The following FSTL5 variants were observed in gnomAD, a reference collection of about 807,000 sequenced individuals.
The protein encoded by FSTL5 is follistatin like 5.
FSTL5 carries 62 observed loss-of-function variants against 89.1 expected under a neutral mutation model. The ratio of observed to expected loss-of-function variants is 0.70; its 90% confidence interval spans 0.57 to 0.86. The LOEUF is 0.86. Ranked by LOEUF, FSTL5 falls within the 40% of genes least tolerant of loss-of-function variation. The pLI is 0.00. For missense variants in FSTL5, 1,057 were observed against 1,001.6 expected, an observed-to-expected ratio of 1.06 and a Z score of -0.75; for synonymous variants, 383 against 346.2, an observed-to-expected ratio of 1.11 and a Z score of -1.18.
At chr4:161,898,080 A>G (rs1431109207) in intron 4 of FSTL5, among the ~76,000 whole-genome samples, 1 of 148,046 alleles carries the variant, frequency 6.8e-6, no homozygotes. Context: ...GTATTTACTT[A>G]TATTTATATA....
At chr4:161,857,615 T>G (rs1731761301) in intron 4 of FSTL5, among the ~76,000 whole-genome samples, 1 of 152,088 alleles carries the variant, frequency 6.6e-6, no homozygotes. Context: ...TTTAACAAAT[T>G]TATCTCTATT....
At chr4:161,932,559 G>T (rs533254627) in intron 3 of FSTL5, among the ~76,000 whole-genome samples, 14 of 151,492 alleles carry the variant, frequency 9.2e-5, no homozygotes, top group African/African-American at 3.1e-4. Flanking sequence ...ATGTATGTTT[G>T]TATTTTAAAA....
intron 2 of FSTL5, among the ~76,000 whole-genome samples, chr4:162,096,773 C>T (rs944723559): frequency 6.6e-6 from 1 of 151,908 alleles, no homozygotes; most frequent in Middle Eastern, 3.4e-3. Flanking sequence ...CATACATCTC[C>T]TATATAACTA....
chr4:161,390,534 C>G (rs1343159713), intron 15 of FSTL5, among the ~76,000 whole-genome samples: 1 of 152,086 alleles, frequency 6.6e-6, no homozygotes, highest in East Asian at 1.9e-4. Flanking sequence ...GTCCTTTACT[C>G]AGTCCCTGGT....
intron 7 of FSTL5, among the ~76,000 whole-genome samples, chr4:161,603,373 G>A (rs1444061827): frequency 1.3e-5 from 2 of 152,142 alleles, no homozygotes; most frequent in Non-Finnish European, 2.9e-5. Context: ...AATCGGATAG[G>A]ATTAGTAGTG....
intron 3 of FSTL5, among the ~76,000 whole-genome samples, chr4:161,995,768 T>G (rs1736275280): frequency 7.7e-6 from 1 of 130,180 alleles, no homozygotes; most frequent in Non-Finnish European, 1.6e-5. Flanking sequence ...ATGTAATGAG[T>G]TTTTTTTTTT....
intron 4 of FSTL5, among the ~76,000 whole-genome samples, chr4:161,861,130 A>G (rs10016003): frequency 0.22 from 33,811 of 152,072 alleles, 4,027 homozygotes; most frequent in African/African-American, 0.31. Flanking sequence ...CTTGTCATAA[A>G]TCCTAAATGC....
chr4:161,611,007 G>A (rs1734615103), intron 7 of FSTL5, among the ~76,000 whole-genome samples: 2 of 151,088 alleles, frequency 1.3e-5, no homozygotes, highest in South Asian at 2.1e-4. Context: ...TATAATTAAT[G>A]GCAACATTAC....
intron 7 of FSTL5, among the ~76,000 whole-genome samples, chr4:161,643,867 C>A (rs1478412347): frequency 2.1e-5 from 3 of 143,632 alleles, no homozygotes; most frequent in Non-Finnish European, 3.2e-5. Flanking sequence ...TAAGATAGTC[C>A]AGAAAAATTG....
chr4:161,973,134 AT>A (rs1369403816), intron 3 of FSTL5, among the ~76,000 whole-genome samples: 1 of 152,102 alleles, frequency 6.6e-6, no homozygotes, highest in African/African-American at 2.4e-5. Context: ...TGAAATCACT[AT>A]TTGATGATGA....
intron 4 of FSTL5, among the ~76,000 whole-genome samples, chr4:161,850,852 G>A (rs1264428010): frequency 5.3e-5 from 8 of 152,196 alleles, no homozygotes. Flanking sequence ...AAAGGAATGA[G>A]ATAATGTCTT....
intron 7 of FSTL5, among the ~76,000 whole-genome samples, chr4:161,595,560 T>A (rs951138842): frequency 1.8e-4 from 28 of 152,216 alleles, no homozygotes; most frequent in African/African-American, 6.0e-4. Context: ...AGAAAGAACA[T>A]CTGTAGCACA....
At chr4:161,928,930 T>C (rs904426964) in intron 3 of FSTL5, among the ~76,000 whole-genome samples, 2 of 151,780 alleles carry the variant, frequency 1.3e-5, no homozygotes, top group African/African-American at 4.8e-5. Flanking sequence ...CTTTCACTTA[T>C]TATCCTTTGT....
At chr4:162,143,719 C>T (rs1313440206) in intron 1 of FSTL5, among the ~76,000 whole-genome samples, 5 of 2,478 alleles carry the variant, frequency 2.0e-3, no homozygotes, top group Non-Finnish European at 7.7e-3. Flanking sequence ...TCTGACTTTA[C>T]ACACACACAC....
At chr4:161,893,854 T>G (rs1733067009) in intron 4 of FSTL5, among the ~76,000 whole-genome samples, 1 of 152,176 alleles carries the variant, frequency 6.6e-6, no homozygotes, top group African/African-American at 2.4e-5. Flanking sequence ...TTTTCTTTTC[T>G]TTCCCTAAAG....
chr4:161,726,434 G>A (rs1305849414), intron 6 of FSTL5, among the ~76,000 whole-genome samples: 1 of 151,694 alleles, frequency 6.6e-6, no homozygotes, highest in Non-Finnish European at 1.5e-5. Flanking sequence ...CACCATATTG[G>A]TCAGGCTGGT....
At chr4:161,577,473 CAAAA>C (rs544029134) in intron 8 of FSTL5, among the ~76,000 whole-genome samples, 1 of 110,226 alleles carries the variant, frequency 9.1e-6, no homozygotes, top group Non-Finnish European at 1.8e-5. Context: ...AGAAAAAAGA[CAAAA>C]AAAAAAAAAA....
intron 3 of FSTL5, among the ~76,000 whole-genome samples, chr4:161,969,886 G>A (rs1735432712): frequency 6.6e-6 from 1 of 152,078 alleles, no homozygotes; most frequent in Non-Finnish European, 1.5e-5. Context: ...GAGGATTTGA[G>A]AAGATAAAAA....
intron 10 of FSTL5, among the ~76,000 whole-genome samples, chr4:161,517,347 AT>A (rs1730877002): frequency 6.6e-6 from 1 of 152,222 alleles, no homozygotes; most frequent in Admixed American, 6.5e-5. Flanking sequence ...TAATTGAACA[AT>A]AAAACCCTCA....
Sources: gnomAD v4.1 joint callset for allele counts (sites outside exome capture counted in the v4.1 genomes callset) on GRCh38, gnomAD v4.1.1 for gene constraint, MANE v1.5 for transcripts, NCBI Gene and HGNC (gene_info 2026-07-23, HGNC 2026-07-21) for gene names.